PTPRN2: variants seen among roughly 807,000 people sequenced by gnomAD.
The protein encoded by PTPRN2 is protein tyrosine phosphatase receptor type N2, also known as receptor-type tyrosine-protein phosphatase N2.
In PTPRN2, 74 loss-of-function variants were observed where a neutral mutation model predicts 118.8. The ratio of observed to expected loss-of-function variants is 0.62; its 90% CI spans 0.52 to 0.76. PTPRN2 has a LOEUF of 0.76. Ranked by LOEUF, PTPRN2 falls within the 30% of genes least tolerant of loss-of-function variation. The probability of loss-of-function intolerance (pLI) is 0.00; values close to 1 mark genes in which losing one functional copy is unlikely to be tolerated. For missense variants in PTPRN2, 1,481 were observed against 1,394.4 expected, an observed-to-expected ratio of 1.06 and a Z score of -0.99; for synonymous variants, 641 against 608.0, an observed-to-expected ratio of 1.05 and a Z score of -0.80.
At chr7:158,510,388 G>A (rs375163088) in intron 1 of PTPRN2, among the ~76,000 whole-genome samples, 10 of 151,686 alleles carry the variant, frequency 6.6e-5, no homozygotes, top group East Asian at 1.9e-4. Flanking sequence ...AATTAATGAC[G>A]CTTTCTCAAA....
intron 1 of PTPRN2, among the ~76,000 whole-genome samples, chr7:158,502,801 G>C (rs1425485381): frequency 1.3e-5 from 2 of 151,990 alleles, no homozygotes; most frequent in African/African-American, 4.8e-5. Context: ...ATCAGCCACT[G>C]TGTCCATCAA....
At chr7:158,018,147 A>C (rs1463528455) in intron 11 of PTPRN2, among the ~76,000 whole-genome samples, 3 of 152,248 alleles carry the variant, frequency 2.0e-5, no homozygotes, top group Non-Finnish European at 4.4e-5. Context: ...GGAATTTAAA[A>C]GGACCAGCCT....
At chr7:158,152,398 G>A (rs1411231694) in intron 6 of PTPRN2, among the ~76,000 whole-genome samples, 4 of 152,176 alleles carry the variant, frequency 2.6e-5, no homozygotes, top group African/African-American at 9.7e-5. Flanking sequence ...GAGTAGCAGT[G>A]AGCACTAAGG....
intron 2 of PTPRN2, among the ~76,000 whole-genome samples, chr7:158,460,824 TG>T (rs1563321559): frequency 6.6e-6 from 1 of 152,260 alleles, no homozygotes; most frequent in Non-Finnish European, 1.5e-5. Flanking sequence ...CACCTTTGGC[TG>T]GCAAAGCCTG....
chr7:158,261,257 C>CG (rs1797379670), intron 3 of PTPRN2, among the ~76,000 whole-genome samples: 1 of 152,026 alleles, frequency 6.6e-6, no homozygotes, highest in African/African-American at 2.4e-5. Context: ...GGCCGGGCAG[C>CG]GGGAAGAAGC....
chr7:158,355,936 C>G lies in PTPRN2; in HGVS notation c.164-39004G>C, dbSNP rs945965068. Reference sequence around the variant, plus strand: ...CCTCTCTGCTTATCTGCCCTCGAAACAGAATGTGGTTCCAGGCGCCACCAC... The same window carrying G: ...CCTCTCTGCTTATCTGCCCTCGAAAGAGAATGTGGTTCCAGGCGCCACCAC... On this transcript the variant is annotated intron_variant, in intron 2 of 22. Transcript: ENST00000389418. Among the ~76,000 whole-genome samples, 8 of 152,168 alleles carry G rather than the reference C, an allele frequency of 5.3e-5. No homozygotes were observed. In the East Asian group the frequency reaches 1.5e-3, roughly 29 times the overall value.
At chr7:158,471,350 G>A (rs530041735) in intron 2 of PTPRN2, among the ~76,000 whole-genome samples, 9 of 151,824 alleles carry the variant, frequency 5.9e-5, no homozygotes, top group African/African-American at 2.2e-4. Context: ...CAGCACTGCT[G>A]GTCTCCAGTC....
rs145189780 is a variant in PTPRN2 at position 158,115,829 on chromosome 7, C to T, written c.1557-4914G>A. The stretch of plus-strand genomic sequence containing the variant: ...GATCCTGAGGTCAGCATCAAACACA[C>T]GGAGTCTGTGTTGCCTTCAAGGCAT... On this transcript the variant is annotated intron_variant, in intron 9 of 22. Coordinates refer to ENST00000389418, the MANE Select transcript of PTPRN2 (RefSeq NM_002847.5). Among the ~76,000 whole-genome samples the T allele has an allele frequency of 1.4e-4, 21 of 152,322 alleles. No homozygotes were observed. The East Asian group carries it at 3.5e-3, about 25-fold the overall frequency.
intron 11 of PTPRN2, among the ~76,000 whole-genome samples, chr7:157,998,453 G>A (rs1013206652): frequency 6.6e-6 from 1 of 152,230 alleles, no homozygotes; most frequent in Non-Finnish European, 1.5e-5. Context: ...TGCCGTGAGA[G>A]GAGCCCGTGT....
chr7:158,452,089 T>A (rs1818127806), intron 2 of PTPRN2, among the ~76,000 whole-genome samples: 1 of 152,196 alleles, frequency 6.6e-6, no homozygotes, highest in Non-Finnish European at 1.5e-5. Context: ...CATTTGGGTC[T>A]ATTTCTAGAC....
At chr7:158,071,440 T>A (rs1166231922) in intron 11 of PTPRN2, among the ~76,000 whole-genome samples, 1 of 101,742 alleles carries the variant, frequency 9.8e-6, no homozygotes, top group Non-Finnish European at 1.9e-5. Flanking sequence ...CTCGTGGTGG[T>A]GGAGGTGCTC....
At chr7:158,288,329 T>C (rs1799891451) in intron 3 of PTPRN2, among the ~76,000 whole-genome samples, 1 of 152,126 alleles carries the variant, frequency 6.6e-6, no homozygotes, top group Non-Finnish European at 1.5e-5. Flanking sequence ...GCCATTTTGT[T>C]CATTGTTTTC....
chr7:157,857,439 G>C (rs934001933), intron 12 of PTPRN2: 1 of 152,232 alleles, frequency 6.6e-6, no homozygotes, highest in Non-Finnish European at 1.5e-5. Flanking sequence ...TCTCCGGAGC[G>C]TCCTCTCCTC....
chr7:158,538,760 G>A (rs1220163732), intron 1 of PTPRN2, among the ~76,000 whole-genome samples: 1 of 152,214 alleles, frequency 6.6e-6, no homozygotes, highest in African/African-American at 2.4e-5. Context: ...GAGGAACTCA[G>A]GTCCGTGAAC....
chr7:158,140,803 A>G (rs1563497253), intron 6 of PTPRN2, among the ~76,000 whole-genome samples: 2 of 152,158 alleles, frequency 1.3e-5, no homozygotes, highest in Non-Finnish European at 2.9e-5. Flanking sequence ...CGCCGTGTGT[A>G]TACTCCCCCT....
At chr7:157,635,791 C>T (rs1250967781) in intron 14 of PTPRN2, among the ~76,000 whole-genome samples, 1 of 152,098 alleles carries the variant, frequency 6.6e-6, no homozygotes, top group Non-Finnish European at 1.5e-5. Context: ...TAATTTTCTC[C>T]TATATTTTAT....
intron 14 of PTPRN2, among the ~76,000 whole-genome samples, chr7:157,649,395 G>A (rs372611978): frequency 1.6e-5 from 2 of 123,602 alleles, no homozygotes; most frequent in African/African-American, 2.9e-5. Context: ...CCCATCCAGC[G>A]TGCACTGAAC....
intron 11 of PTPRN2, among the ~76,000 whole-genome samples, chr7:157,996,313 G>A (rs1174793565): frequency 1.3e-5 from 2 of 152,168 alleles, no homozygotes; most frequent in African/African-American, 4.8e-5. Flanking sequence ...AGAATTCGCC[G>A]CTCGGGCCCA....
intron 4 of PTPRN2, among the ~76,000 whole-genome samples, chr7:158,198,026 C>T (rs891580407): frequency 1.3e-5 from 2 of 152,130 alleles, no homozygotes; most frequent in East Asian, 1.9e-4. Flanking sequence ...CTATAATTTC[C>T]TTGGCCATTT....
Sources: allele counts gnomAD v4.1 joint callset (sites outside exome capture counted in the v4.1 genomes callset), GRCh38; gene constraint gnomAD v4.1.1; transcripts MANE v1.5; gene names NCBI Gene and HGNC (gene_info 2026-07-23, HGNC 2026-07-21).